Variants in MPPED2 observed in about 807,000 individuals in gnomAD.
MPPED2 encodes the protein metallophosphoesterase MPPED2.
MPPED2 carries 5 observed loss-of-function variants against 33.0 expected under a neutral mutation model. The ratio of observed to expected loss-of-function variants is 0.15; its 90% confidence interval spans 0.08 to 0.32. The LOEUF is 0.32. MPPED2 is among the 10% of genes least tolerant of loss of function. The pLI, the probability that MPPED2 is intolerant of heterozygous loss-of-function variation, is 1.00. For missense variants in MPPED2, 275 were observed against 372.1 expected, an observed-to-expected ratio of 0.74 and a Z score of 2.15; for synonymous variants, 136 against 141.9, an observed-to-expected ratio of 0.96 and a Z score of 0.29.
intron 3 of MPPED2, among the ~76,000 whole-genome samples, chr11:30,518,420 C>A (rs1953661651): frequency 6.6e-6 from 1 of 152,200 alleles, no homozygotes; most frequent in Non-Finnish European, 1.5e-5. Context: ...AGATTCTGCA[C>A]TCAGATTGTT....
intron 4 of MPPED2, among the ~76,000 whole-genome samples, chr11:30,483,565 G>A (rs943009823): frequency 2.6e-5 from 4 of 152,172 alleles, no homozygotes; most frequent in African/African-American, 9.6e-5. Context: ...AATAATTTCT[G>A]ATTAGGTTTT....
chr11:30,414,192 C>A (rs761264723), intron 6 of MPPED2, 36 bp downstream of exon 6: 2 of 1,442,808 alleles, frequency 1.4e-6, no homozygotes, highest in South Asian at 2.3e-5. Context: ...TGGACAGGGG[C>A]ACAAAATGTT....
chr11:30,449,230 T>C (rs1949946191), intron 4 of MPPED2, among the ~76,000 whole-genome samples: 1 of 152,200 alleles, frequency 6.6e-6, no homozygotes, highest in African/African-American at 2.4e-5. Flanking sequence ...AAAAATTACA[T>C]TAATCAGGAT....
intron 2 of MPPED2, among the ~76,000 whole-genome samples, chr11:30,556,197 T>C (rs1590843642): frequency 6.6e-6 from 1 of 152,164 alleles, no homozygotes; most frequent in African/African-American, 2.4e-5. Context: ...TTAGAATGCT[T>C]GAAATGTAAG....
At chr11:30,497,724 T>TCTTTCTTTCTTTC (rs1425700769) in intron 3 of MPPED2, among the ~76,000 whole-genome samples, 1 of 152,152 alleles carries the variant, frequency 6.6e-6, no homozygotes, top group African/African-American at 2.4e-5. Flanking sequence ...TTTCTTTCTT[T>TCTTTCTTTCTTTC]TTAGTAAAAC....
intron 3 of MPPED2, among the ~76,000 whole-genome samples, chr11:30,508,695 A>G (rs1590636894): frequency 6.6e-6 from 1 of 152,098 alleles, no homozygotes; most frequent in East Asian, 1.9e-4. Flanking sequence ...TTAAACACTC[A>G]CCCAACTTAA....
At chr11:30,543,599 T>TG (rs1955247990) in intron 2 of MPPED2, among the ~76,000 whole-genome samples, 1 of 152,118 alleles carries the variant, frequency 6.6e-6, no homozygotes, top group African/African-American at 2.4e-5. Flanking sequence ...GCCATCCACA[T>TG]CCATCCACAT....
Position 30,411,474 on chromosome 11 carries a change from A to C in MPPED2, c.879T>G (p.Gly293=), listed in dbSNP as rs1948098219. The change falls in exon 7 of 7, where the codon GGT becomes GGG. Residue 293 remains glycine, a synonymous_variant. Coordinates refer to ENST00000358117, the MANE Select transcript of MPPED2 (RefSeq NM_001584.3). ...CAATAGGGCATTTAGAGCTTCAGGA[A>C]CCCTGTGGGTTTGGAAGGTCAAATA... The part of the protein sequence containing the change: ...PIIFDLPNPQ[G]S The C allele has an allele frequency of 6.2e-7, 1 of 1,612,708 alleles. No homozygotes were observed. The highest frequency in any genetic ancestry group is 8.5e-7 in the Non-Finnish European group (1 of 1,179,126).
intron 5 of MPPED2, among the ~76,000 whole-genome samples, chr11:30,414,743 CA>C (rs1214682279): frequency 1.3e-5 from 2 of 152,070 alleles, no homozygotes; most frequent in Non-Finnish European, 2.9e-5. Flanking sequence ...TAAGATGATT[CA>C]AAGAAGGACT....
At chr11:30,525,177 T>C (rs1230644779) in intron 3 of MPPED2, among the ~76,000 whole-genome samples, 1 of 152,190 alleles carries the variant, frequency 6.6e-6, no homozygotes, top group Non-Finnish European at 1.5e-5. Flanking sequence ...AATCAGAGAC[T>C]GGATGCTAAA....
At chr11:30,580,944 A>T (rs150907225) in intron 1 of MPPED2, among the ~76,000 whole-genome samples, 1 of 152,224 alleles carries the variant, frequency 6.6e-6, no homozygotes, top group African/African-American at 2.4e-5. Flanking sequence ...ACAATGACAG[A>T]TAAGAATTTA....
intron 4 of MPPED2, among the ~76,000 whole-genome samples, chr11:30,457,477 G>A (rs1950329026): frequency 6.6e-6 from 1 of 151,138 alleles, no homozygotes; most frequent in Admixed American, 6.6e-5. Flanking sequence ...TCAAATTGTT[G>A]GTATGTGTCC....
intron 4 of MPPED2, among the ~76,000 whole-genome samples, chr11:30,456,823 G>A (rs778345151): frequency 1.6e-4 from 25 of 152,106 alleles, no homozygotes; most frequent in African/African-American, 2.2e-4. Flanking sequence ...CACTAGCACT[G>A]TCTTTCCAGG....
At chr11:30,469,375 T>C (rs527463053) in intron 4 of MPPED2, among the ~76,000 whole-genome samples, 38 of 152,280 alleles carry the variant, frequency 2.5e-4, no homozygotes, top group African/African-American at 9.1e-4. Flanking sequence ...ATGACAGACA[T>C]GGTCCTAGAA....
At chr11:30,407,223 G>A (rs1312520901), downstream of MPPED2, among the ~76,000 whole-genome samples, 3 of 152,142 alleles carry the variant, frequency 2.0e-5, no homozygotes, top group East Asian at 1.9e-4. Flanking sequence ...AGACAAAAGG[G>A]GATTGTGTGA....
chr11:30,510,559 T>C (rs529293589), intron 3 of MPPED2, among the ~76,000 whole-genome samples: 2 of 152,338 alleles, frequency 1.3e-5, no homozygotes, highest in South Asian at 4.1e-4. Context: ...TGTAGGCTCA[T>C]CTCTAGCTTA....
At chr11:30,403,030 G>C (rs1947931687) in intron 6 of MPPED2, among the ~76,000 whole-genome samples, 2 of 152,180 alleles carry the variant, frequency 1.3e-5, no homozygotes, top group African/African-American at 4.8e-5. Context: ...CAGATCACAA[G>C]GTCAGGAGAT....
At chr11:30,394,103 T>C (rs1480531255) in intron 6 of MPPED2, among the ~76,000 whole-genome samples, 1 of 152,222 alleles carries the variant, frequency 6.6e-6, no homozygotes, top group Non-Finnish European at 1.5e-5. Flanking sequence ...GTACCAATAG[T>C]TTGTTCCTTT....
chr11:30,421,963 G>A (rs1028748122), intron 4 of MPPED2, among the ~76,000 whole-genome samples: 1 of 152,130 alleles, frequency 6.6e-6, no homozygotes, highest in Non-Finnish European at 1.5e-5. Flanking sequence ...AATGGAAAAA[G>A]CAGCCCACTG....
Sources: gnomAD v4.1 joint callset for allele counts (sites outside exome capture counted in the v4.1 genomes callset) on GRCh38, gnomAD v4.1.1 for gene constraint, MANE v1.5 for transcripts, NCBI Gene and HGNC (gene_info 2026-07-23, HGNC 2026-07-21) for gene names.